Variants in MSI2 observed in about 807,000 individuals in gnomAD.
MSI2 encodes musashi RNA binding protein 2.
Under a neutral mutation model 45.6 loss-of-function variants are expected in MSI2, and 17 were observed. The observed-to-expected ratio is 0.37, with a 90% CI of 0.26 to 0.56. The LOEUF (loss-of-function observed/expected upper bound fraction) is 0.56, where lower values mean the gene tolerates loss of function less well. Among genes scored for constraint, MSI2 ranks in the 20% least tolerant of loss-of-function variants. The probability of loss-of-function intolerance (pLI) is 0.77; values close to 1 mark genes in which losing one functional copy is unlikely to be tolerated. For missense variants in MSI2, 293 were observed against 444.2 expected, an observed-to-expected ratio of 0.66 and a Z score of 3.06; for synonymous variants, 156 against 158.2, an observed-to-expected ratio of 0.99 and a Z score of 0.11.
At chr17:57,499,476 G>A (rs185382246) in intron 6 of MSI2, among the ~76,000 whole-genome samples, 1 of 151,622 alleles carries the variant, frequency 6.6e-6, no homozygotes. Flanking sequence ...ATCAAGGGCA[G>A]ACTTGAAAAG....
chr17:57,581,030 T>TTTTTG (rs2088191417), intron 7 of MSI2, among the ~76,000 whole-genome samples: 2 of 145,620 alleles, frequency 1.4e-5, no homozygotes, highest in Non-Finnish European at 1.5e-5. Context: ...TTTTTTTTTT[T>TTTTTG]GAGACACAGT....
At chr17:57,472,288 C>T (rs919683110) in intron 6 of MSI2, among the ~76,000 whole-genome samples, 2 of 152,214 alleles carry the variant, frequency 1.3e-5, no homozygotes, top group African/African-American at 2.4e-5. Flanking sequence ...CACCTATGCT[C>T]AGTCCAGGGA....
At position 57,652,666 on chromosome 17, in the gene MSI2, A is replaced by G. The variant is rs1911254156; in HGVS notation, c.790+505A>G. On this transcript the variant is annotated intron_variant, in intron 11 of 13. Coordinates refer to ENST00000284073, the MANE Select transcript of MSI2 (RefSeq NM_138962.4). This position sits in a 1 kb window ranked among gnomAD's most constrained non-coding sequence, Gnocchi z 4.1. Reference sequence around the variant, plus strand: ...TGGGACCAGCCCTGGGCCTCAGTGAATGAAGCTGCTGTTTCTGGAGCCGCT... The same window carrying G: ...TGGGACCAGCCCTGGGCCTCAGTGAGTGAAGCTGCTGTTTCTGGAGCCGCT... Among the ~76,000 whole-genome samples, 1 of 152,154 alleles carries G rather than the reference A, an allele frequency of 6.6e-6. No homozygotes were observed. Among genetic ancestry groups the G allele is most frequent in the Non-Finnish European group, 1.5e-5 (1 of 68,016 alleles).
At position 57,529,757 on chromosome 17, in the gene MSI2, C is replaced by A; in HGVS notation, c.454+33C>A. The A allele has an allele frequency of 6.3e-7, 1 of 1,576,032 alleles. No individual in the cohort carries two copies. ...TACCCCAGTGTAAGAGGGTTGCGTTCACCCTCTCCTGGCCTCTCTGTCTGT... is the reference window on the plus strand; with the variant it reads ...TACCCCAGTGTAAGAGGGTTGCGTTAACCCTCTCCTGGCCTCTCTGTCTGT... On this transcript the variant is annotated intron_variant, in intron 7 of 13. Transcript: ENST00000284073. The surrounding 1 kb of genome is among the most constrained non-coding windows in gnomAD (Gnocchi z 5.3).
At chr17:57,324,702 A>G (rs1370540879) in intron 5 of MSI2, among the ~76,000 whole-genome samples, 1 of 152,202 alleles carries the variant, frequency 6.6e-6, no homozygotes, top group African/African-American at 2.4e-5. Flanking sequence ...GGCCAACTCC[A>G]TTCCATCCTG....
intron 7 of MSI2, among the ~76,000 whole-genome samples, chr17:57,560,470 C>A (rs1178492307): frequency 1.3e-5 from 2 of 152,200 alleles, no homozygotes; most frequent in African/African-American, 4.8e-5. Flanking sequence ...CTCTCTGCTA[C>A]TTCCTCCCAC....
intron 7 of MSI2, among the ~76,000 whole-genome samples, chr17:57,574,822 C>G (rs1447800263): frequency 2.7e-5 from 4 of 149,028 alleles, no homozygotes; most frequent in Non-Finnish European, 5.9e-5. Context: ...TGCATTCTCT[C>G]TCTCTCTTTT....
At chr17:57,688,263 C>A (rs1359279652), downstream of MSI2, among the ~76,000 whole-genome samples, 1 of 151,822 alleles carries the variant, frequency 6.6e-6, no homozygotes, top group African/African-American at 2.4e-5. Context: ...TAAAAGACTG[C>A]AGTAAAATAA....
intron 6 of MSI2, among the ~76,000 whole-genome samples, chr17:57,442,018 G>A (rs770321235): frequency 1.3e-5 from 2 of 151,426 alleles, no homozygotes; most frequent in African/African-American, 2.4e-5. Context: ...GTGGGTTCAT[G>A]GTCCTGTACA....
At chr17:57,694,670 T>G in the MSI2 span, among the ~76,000 whole-genome samples, 3 of 152,160 alleles carry the variant, frequency 2.0e-5, no homozygotes, top group Non-Finnish European at 4.4e-5. Flanking sequence ...GCTAAACCTA[T>G]CACAGATCTG....
chr17:57,513,692 C>A (rs1206965841), intron 6 of MSI2, among the ~76,000 whole-genome samples: 1 of 152,212 alleles, frequency 6.6e-6, no homozygotes, highest in East Asian at 1.9e-4. Context: ...CCTCAGGGAG[C>A]CTCACCCCCC....
chr17:57,523,901 C>T (rs4793861), intron 6 of MSI2, among the ~76,000 whole-genome samples: 5 of 152,304 alleles, frequency 3.3e-5, no homozygotes, highest in Non-Finnish European at 5.9e-5. Flanking sequence ...ATGAGGACCA[C>T]GTATGAGTTA....
At chr17:57,463,686 C>T (rs2085274308) in intron 6 of MSI2, among the ~76,000 whole-genome samples, 1 of 152,216 alleles carries the variant, frequency 6.6e-6, no homozygotes, top group East Asian at 1.9e-4. Flanking sequence ...TTCATCCATT[C>T]AGCAGTGTGA....
intron 5 of MSI2, among the ~76,000 whole-genome samples, chr17:57,352,665 C>A (rs1916114726): frequency 6.6e-6 from 1 of 152,166 alleles, no homozygotes; most frequent in South Asian, 2.1e-4. Context: ...TAAATATCAG[C>A]CAATCCCTGA....
intron 7 of MSI2, among the ~76,000 whole-genome samples, chr17:57,578,479 G>T (rs1384175869): frequency 6.6e-6 from 1 of 151,790 alleles, no homozygotes; most frequent in Non-Finnish European, 1.5e-5. Context: ...GCCAGGACTG[G>T]GGGGGTAGGA....
intron 6 of MSI2, among the ~76,000 whole-genome samples, chr17:57,522,039 A>T (rs974492979): frequency 2.6e-5 from 4 of 152,218 alleles, no homozygotes; most frequent in Non-Finnish European, 5.9e-5. Context: ...GTTTTGCCTA[A>T]GCTGGCAGGG....
chr17:57,494,981 A>AT (rs1567857970), intron 6 of MSI2, among the ~76,000 whole-genome samples: 1 of 152,220 alleles, frequency 6.6e-6, no homozygotes, highest in Non-Finnish European at 1.5e-5. Context: ...CTTAAAAAAA[A>AT]CAACAGTGGA....
intron 5 of MSI2, among the ~76,000 whole-genome samples, chr17:57,357,449 G>A (rs978242851): frequency 6.6e-6 from 1 of 152,028 alleles, no homozygotes; most frequent in Non-Finnish European, 1.5e-5. Context: ...AGCTTCATTC[G>A]GCAGCACACA....
rs1297485807 is a variant in MSI2 at position 57,290,137 on chromosome 17, CT to C, written c.312+27946del. On this transcript the variant is annotated intron_variant, in intron 5 of 13. Coordinates refer to ENST00000284073, the MANE Select transcript of MSI2 (RefSeq NM_138962.4). Reference sequence around the variant, plus strand: ...TGGGACTGTGGGCTAGTTATTTAATCTCTCTGTGCTTCAGTTTTCTCATCTA... The same window carrying C: ...TGGGACTGTGGGCTAGTTATTTAATCCTCTGTGCTTCAGTTTTCTCATCTA... Among the ~76,000 whole-genome samples the C allele has an allele frequency of 4.6e-5, 7 of 152,282 alleles. No homozygotes were observed. In the East Asian group the frequency reaches 1.2e-3, roughly 25 times the overall value.
Sources: allele counts gnomAD v4.1 joint callset (sites outside exome capture counted in the v4.1 genomes callset), GRCh38; gene constraint gnomAD v4.1.1; non-coding constraint Gnocchi (gnomAD v3.1); transcripts MANE v1.5; gene names NCBI Gene and HGNC (gene_info 2026-07-23, HGNC 2026-07-21).